Variants in MTCL2 observed in about 807,000 individuals in gnomAD.
The protein encoded by MTCL2 is microtubule crosslinking factor 2, also known as microtubule cross-linking factor 2.
the MTCL2 span, chr20:36,862,589 G>A: frequency 6.6e-6 from 9 of 1,369,156 alleles, no homozygotes; most frequent in African/African-American, 1.4e-4. Flanking sequence ...GCCGGCTGGT[G>A]CCTCAGGCCC....
chr20:36,846,183 G>A, the MTCL2 span, among the ~76,000 whole-genome samples: 1 of 150,792 alleles, frequency 6.6e-6, no homozygotes, highest in African/African-American at 2.4e-5. Context: ...TCCGGCCTGG[G>A]CAACAGAGCG....
chr20:36,829,287 G>T, the MTCL2 span: 1 of 1,436,108 alleles, frequency 7.0e-7, no homozygotes. Context: ...CTGACCACCC[G>T]ACTTTCACAG....
At chr20:36,814,087 A>G in the MTCL2 span, among the ~76,000 whole-genome samples, 1 of 152,182 alleles carries the variant, frequency 6.6e-6, no homozygotes, top group East Asian at 1.9e-4. Context: ...TCATAAAACC[A>G]TGTACGCTTC....
the MTCL2 span, among the ~76,000 whole-genome samples, chr20:36,802,123 T>A: frequency 6.6e-6 from 1 of 151,300 alleles, no homozygotes; most frequent in African/African-American, 2.4e-5. Flanking sequence ...CTATCTCTAC[T>A]AAAAATATAA....
At chr20:36,789,950 A>T in the MTCL2 span, among the ~76,000 whole-genome samples, 1 of 150,090 alleles carries the variant, frequency 6.7e-6, no homozygotes, top group Admixed American at 6.6e-5. Flanking sequence ...AGTGGCTGGA[A>T]CTGTAAGCAT....
chr20:36,835,163 G>C, the MTCL2 span, among the ~76,000 whole-genome samples: 1 of 152,186 alleles, frequency 6.6e-6, no homozygotes, highest in African/African-American at 2.4e-5. Flanking sequence ...GAGATGTGAA[G>C]GAACTTACCC....
the MTCL2 span, among the ~76,000 whole-genome samples, chr20:36,858,770 G>T: frequency 1.3e-5 from 2 of 152,162 alleles, no homozygotes; most frequent in African/African-American, 4.8e-5. Flanking sequence ...GTATGAGGTT[G>T]TCCAGGCAGG....
At chr20:36,789,263 T>G in the MTCL2 span, among the ~76,000 whole-genome samples, 2 of 152,132 alleles carry the variant, frequency 1.3e-5, no homozygotes, top group Admixed American at 6.5e-5. Flanking sequence ...TATATGGAAG[T>G]GATGGTTAAT....
the MTCL2 span, among the ~76,000 whole-genome samples, chr20:36,813,143 G>C: frequency 2.0e-5 from 3 of 152,086 alleles, no homozygotes; most frequent in Non-Finnish European, 4.4e-5. Flanking sequence ...CCTATCACAT[G>C]TGTGACCTCT....
chr20:36,805,129 C>A, the MTCL2 span, among the ~76,000 whole-genome samples: 1 of 152,164 alleles, frequency 6.6e-6, no homozygotes, highest in East Asian at 1.9e-4. Flanking sequence ...AAAAACCCTG[C>A]AGTTACAGTA....
the MTCL2 span, among the ~76,000 whole-genome samples, chr20:36,825,231 C>T: frequency 6.6e-6 from 1 of 152,212 alleles, no homozygotes; most frequent in African/African-American, 2.4e-5. Context: ...GTGTGAGCCA[C>T]TGTGCCCAGC....
chr20:36,811,466 T>C, the MTCL2 span, among the ~76,000 whole-genome samples: 1 of 151,878 alleles, frequency 6.6e-6, no homozygotes, highest in East Asian at 1.9e-4. Context: ...CTGTCTCTAC[T>C]AAAAATACGA....
the MTCL2 span, among the ~76,000 whole-genome samples, chr20:36,788,354 A>C: frequency 1.3e-5 from 2 of 152,156 alleles, no homozygotes; most frequent in Middle Eastern, 3.4e-3. Context: ...CATCTCTTTA[A>C]AAAATAAATA....
chr20:36,798,194 C>T, the MTCL2 span, among the ~76,000 whole-genome samples: 1 of 152,034 alleles, frequency 6.6e-6, no homozygotes, highest in Non-Finnish European at 1.5e-5. Context: ...CTCAGCCTCC[C>T]GAGTGGCTGG....
At chr20:36,826,176 T>A in the MTCL2 span, among the ~76,000 whole-genome samples, 10 of 151,550 alleles carry the variant, frequency 6.6e-5, no homozygotes, top group Non-Finnish European at 1.3e-4. Context: ...CTGGCTAATT[T>A]TTTTTTGTAT....
the MTCL2 span, chr20:36,797,639 C>G: frequency 6.9e-7 from 1 of 1,438,968 alleles, no homozygotes; most frequent in Non-Finnish European, 9.5e-7. Flanking sequence ...CTGCTCTAAG[C>G]AAGGCCATTC....
the MTCL2 span, chr20:36,786,558 G>A: frequency 3.9e-6 from 6 of 1,551,256 alleles, no homozygotes; most frequent in South Asian, 7.1e-5. Flanking sequence ...GCACTTGGAA[G>A]GAGAGTGGCG....
At chr20:36,863,355 C>G in the MTCL2 span, 1 of 1,167,490 alleles carries the variant, frequency 8.6e-7, no homozygotes, top group African/African-American at 1.6e-5. This position sits in a 1 kb window ranked among gnomAD's most constrained non-coding sequence, Gnocchi z 6.2. Context: ...CGCGGCCTCC[C>G]TCGGCCTCAG....
At chr20:36,830,083 C>T in the MTCL2 span, among the ~76,000 whole-genome samples, 1 of 152,154 alleles carries the variant, frequency 6.6e-6, no homozygotes, top group Non-Finnish European at 1.5e-5. Context: ...ATCCTCCTGC[C>T]TCAGCTTCCC....
Sources: gnomAD v4.1 joint callset for allele counts (sites outside exome capture counted in the v4.1 genomes callset) on GRCh38, gnomAD v4.1.1 for gene constraint, Gnocchi (gnomAD v3.1) non-coding constraint, MANE v1.5 for transcripts, NCBI Gene and HGNC (gene_info 2026-07-23, HGNC 2026-07-21) for gene names.